Variants in AASS observed in about 807,000 individuals in gnomAD.
AASS encodes the protein alpha-aminoadipic semialdehyde synthase, mitochondrial.
A neutral mutation model predicts 105.4 loss-of-function variants in AASS; 86 were observed. The ratio of observed to expected loss-of-function variants is 0.82; its 90% CI spans 0.69 to 0.98. The LOEUF (loss-of-function observed/expected upper bound fraction) is 0.98. AASS is among the 50% of genes least tolerant of loss of function. The pLI, the probability that AASS is intolerant of heterozygous loss-of-function variation, is 0.00. For missense variants in AASS, 1,048 were observed against 1,143.2 expected, an observed-to-expected ratio of 0.92 and a Z score of 1.20; for synonymous variants, 381 against 394.8, an observed-to-expected ratio of 0.96 and a Z score of 0.41.
chr7:122,125,209 C>T (rs1170373026), intron 4 of AASS, among the ~76,000 whole-genome samples: 2 of 152,128 alleles, frequency 1.3e-5, no homozygotes, highest in African/African-American at 2.4e-5. Context: ...CATGAGCCAC[C>T]ATACCCTGCC....
At chr7:122,122,358 C>T (rs978146783) in intron 4 of AASS, among the ~76,000 whole-genome samples, 1 of 152,040 alleles carries the variant, frequency 6.6e-6, no homozygotes, top group African/African-American at 2.4e-5. Context: ...TGAACAAATG[C>T]TCTAATACGT....
intron 22 of AASS, among the ~76,000 whole-genome samples, chr7:122,078,474 T>C (rs1793141762): frequency 6.6e-6 from 1 of 152,006 alleles, no homozygotes; most frequent in Non-Finnish European, 1.5e-5. Context: ...TAGCTGGGCA[T>C]GGTGGCAGGC....
chr7:122,128,601 G>A (rs2150549363), intron 3 of AASS, among the ~76,000 whole-genome samples: 1 of 152,272 alleles, frequency 6.6e-6, no homozygotes, highest in Middle Eastern at 3.4e-3. Context: ...TAGAATGTAA[G>A]CTTTGTGAAA....
intron 13 of AASS, among the ~76,000 whole-genome samples, chr7:122,100,043 C>T (rs1490998852): frequency 1.1e-4 from 16 of 151,840 alleles, no homozygotes; most frequent in Admixed American, 8.5e-4. Flanking sequence ...AAACCCCAGA[C>T]TCCAGGTTAA....
chr7:122,120,094 A>T (rs1239098638), intron 4 of AASS, among the ~76,000 whole-genome samples: 1 of 152,162 alleles, frequency 6.6e-6, no homozygotes, highest in African/African-American at 2.4e-5. Flanking sequence ...GTATCAGTAT[A>T]GTCTTTTATT....
intron 1 of AASS, among the ~76,000 whole-genome samples, chr7:122,139,952 ACAAAC>A (rs1796310864): frequency 4.0e-5 from 1 of 25,256 alleles, no homozygotes; most frequent in African/African-American, 9.8e-4. Flanking sequence ...ACTGTCTCAA[ACAAAC>A]AAACAAACAA....
At chr7:122,123,448 C>T (rs891734442) in intron 4 of AASS, among the ~76,000 whole-genome samples, 57 of 152,280 alleles carry the variant, frequency 3.7e-4, no homozygotes, top group African/African-American at 1.3e-3. Flanking sequence ...TTTTCTATAT[C>T]TCATTCAATT....
intron 19 of AASS, among the ~76,000 whole-genome samples, chr7:122,083,044 G>C (rs1272812865): frequency 1.1e-5 from 1 of 94,514 alleles, no homozygotes; most frequent in Non-Finnish European, 2.0e-5. Context: ...TGCTCAAGCA[G>C]AGAGAGAGAG....
intron 3 of AASS, among the ~76,000 whole-genome samples, chr7:122,128,093 C>T (rs1038613832): frequency 6.6e-6 from 1 of 152,066 alleles, no homozygotes; most frequent in Admixed American, 6.5e-5. Context: ...TTTCATATTC[C>T]ACCTTTATGT....
intron 1 of AASS, among the ~76,000 whole-genome samples, chr7:122,139,194 A>G (rs962847565): frequency 2.6e-5 from 4 of 152,210 alleles, no homozygotes; most frequent in African/African-American, 9.7e-5. Flanking sequence ...TTATCAAAAT[A>G]AAATCTTTTG....
rs756950148 is a variant in AASS at position 122,113,127 on chromosome 7, A to C, written c.1269T>G (p.Val423=). The change falls in exon 11 of 24, where the codon GTT becomes GTG. Residue 423 remains valine, a synonymous_variant. Transcript: ENST00000417368. ...ECFGDMLYPY[V]EEMILSDATQ... ...TTACCAGTCTGCTTACCATTTCTTC[A>C]ACATAAGGGTAAAGCATGTCTCCAA... The C allele has an allele frequency of 6.2e-7, 1 of 1,613,488 alleles. No individual in the cohort carries two copies. Among genetic ancestry groups the C allele is most frequent in the Non-Finnish European group, 8.5e-7 (1 of 1,179,476 alleles).
intron 3 of AASS, among the ~76,000 whole-genome samples, chr7:122,126,997 A>T (rs1795684697): frequency 6.6e-6 from 1 of 152,016 alleles, no homozygotes; most frequent in South Asian, 2.1e-4. Flanking sequence ...CTCTCTTTCA[A>T]CCTGGGAAAT....
At chr7:122,102,915 C>G (rs531567475) in intron 11 of AASS, among the ~76,000 whole-genome samples, 1 of 151,432 alleles carries the variant, frequency 6.6e-6, no homozygotes, top group Non-Finnish European at 1.5e-5. Context: ...AGGAAAAAAA[C>G]AGGGAACATA....
At chr7:122,084,616 C>CA (rs754646826) in intron 19 of AASS, among the ~76,000 whole-genome samples, 2 of 151,762 alleles carry the variant, frequency 1.3e-5, no homozygotes, top group South Asian at 2.1e-4. Context: ...CCATGGTTAC[C>CA]AGGGGCAGGG....
At position 122,109,067 on chromosome 7, in the gene AASS, A is replaced by G. The variant is rs2191296; in HGVS notation, c.1278+4051T>C. On this transcript the variant is annotated intron_variant, in intron 11 of 23. Coordinates refer to ENST00000417368, the MANE Select transcript of AASS (RefSeq NM_005763.4). ...AATAGCCACAGCAAAAATAAGATGC[A>G]TAAGAATAAATTTAACCAAGGAAAT... Among the ~76,000 whole-genome samples, 580 of 152,112 alleles carry G rather than the reference A, an allele frequency of 3.8e-3. 5 individuals carry two copies. Among genetic ancestry groups the G allele is most frequent in the Non-Finnish European group, 6.0e-3 (405 of 67,902 alleles).
In AASS at chr7:122,116,760, T is replaced by C. The variant is rs1161855234; in HGVS notation, c.767A>G (p.Asp256Gly). Residue 256 changes from aspartate (D) to glycine (G), a missense_variant and splice_region_variant, in exon 8 of 24, where the codon GAC becomes GGC. Transcript: ENST00000417368. The part of the protein sequence containing the change: ...HELKEVSQTG[D>G]LRKVYGTVLS... ...CACCGTCCCATACACTTTTCTGAGG[T>C]CTTGAAAAGGAGAAAGAAATTAGTA... The C allele has an allele frequency of 1.2e-6, 2 of 1,614,060 alleles. No homozygotes were observed. Among genetic ancestry groups the C allele is most frequent in the Admixed American group, 3.3e-5 (2 of 60,006 alleles).
intron 1 of AASS, among the ~76,000 whole-genome samples, chr7:122,141,901 A>G (rs1354281749): frequency 7.9e-5 from 12 of 152,216 alleles, no homozygotes; most frequent in Non-Finnish European, 5.9e-5. Flanking sequence ...CTGGACACTG[A>G]GAATTACAAA....
intron 1 of AASS, among the ~76,000 whole-genome samples, chr7:122,135,038 A>G (rs570411312): frequency 7.9e-5 from 12 of 151,932 alleles, no homozygotes; most frequent in African/African-American, 2.9e-4. Flanking sequence ...AACACCAAAC[A>G]CCTTATGTTC....
chr7:122,092,560 A>C (rs1007230417), intron 17 of AASS, among the ~76,000 whole-genome samples: 1 of 152,064 alleles, frequency 6.6e-6, no homozygotes, highest in Admixed American at 6.6e-5. Context: ...CCCCATCTCT[A>C]CTAAAAATAC....
Sources: gnomAD v4.1 joint callset for allele counts (sites outside exome capture counted in the v4.1 genomes callset) on GRCh38, gnomAD v4.1.1 for gene constraint, MANE v1.5 for transcripts, NCBI Gene and HGNC (gene_info 2026-07-23, HGNC 2026-07-21) for gene names.